The following FADS2 variants were observed in gnomAD, a reference collection of about 807,000 sequenced individuals.
FADS2 encodes acyl-CoA 6-desaturase.
A neutral mutation model predicts 61.2 loss-of-function variants in FADS2; 18 were observed. The ratio of observed to expected loss-of-function variants is 0.29; its 90% CI spans 0.20 to 0.44. The LOEUF (loss-of-function observed/expected upper bound fraction) is 0.44, where lower values mean the gene tolerates loss of function less well. FADS2 is among the 20% of genes least tolerant of loss of function. The probability of loss-of-function intolerance (pLI) is 1.00; values close to 1 mark genes in which losing one functional copy is unlikely to be tolerated. For missense variants in FADS2, 322 were observed against 572.7 expected, an observed-to-expected ratio of 0.56 and a Z score of 4.47; for synonymous variants, 203 against 223.9, an observed-to-expected ratio of 0.91 and a Z score of 0.83.
chr11:61,816,595 C>G lies in FADS2; in HGVS notation c.141+169C>G, dbSNP rs2066986395. On this transcript the variant is annotated intron_variant, in intron 1 of 11. Transcript: ENST00000257261. This position sits in a 1 kb window ranked among gnomAD's most constrained non-coding sequence, Gnocchi z 7.0. The stretch of plus-strand genomic sequence containing the variant: ...GGCGTAGTGGCTGATGACCCGGGAG[C>G]CCCCTGGATGCCGGCGGGTGAACTC... 1 of 1,609,582 alleles carries G rather than the reference C, an allele frequency of 6.2e-7. No homozygotes were observed. Among genetic ancestry groups the G allele is most frequent in the Non-Finnish European group, 8.5e-7 (1 of 1,178,858 alleles).
chr11:61,851,191 G>A (rs1458358765), intron 5 of FADS2, among the ~76,000 whole-genome samples: 1 of 152,142 alleles, frequency 6.6e-6, no homozygotes, highest in Non-Finnish European at 1.5e-5. Flanking sequence ...TCATTTTCTC[G>A]GCGAGGCTTT....
chr11:61,825,762 A>C (rs370276146), upstream of FADS2, among the ~76,000 whole-genome samples: 6 of 147,606 alleles, frequency 4.1e-5, no homozygotes, highest in Admixed American at 2.0e-4. Flanking sequence ...GTGTGGTGGC[A>C]GGCGCCTGTA....
upstream of FADS2, chr11:61,826,532 T>C: frequency 3.3e-6 from 2 of 603,434 alleles, no homozygotes; most frequent in Non-Finnish European, 5.9e-6. Flanking sequence ...GAGAAAATAA[T>C]TTTCTTGGTT....
chr11:61,828,979 C>T lies in FADS2; in HGVS notation c.207+382C>T, dbSNP rs970805716. Reference sequence around the variant, plus strand: ...GCGCCCCCAGCGGGGAAGATGGCCGCCCCTGCGCGCCGCTGAAAGGAGCGG... The same window carrying T: ...GCGCCCCCAGCGGGGAAGATGGCCGTCCCTGCGCGCCGCTGAAAGGAGCGG... On this transcript the variant is annotated intron_variant, in intron 1 of 11. Coordinates refer to ENST00000278840, the MANE Select transcript of FADS2 (RefSeq NM_004265.4). This position sits in a 1 kb window ranked among gnomAD's most constrained non-coding sequence, Gnocchi z 6.4. Among the ~76,000 whole-genome samples the T allele has an allele frequency of 2.6e-5, 4 of 152,216 alleles. No homozygotes were observed. The highest frequency in any genetic ancestry group is 9.6e-5 in the African/African-American group (4 of 41,456).
chr11:61,817,963 G>C (rs1471241698), intron 1 of FADS2, among the ~76,000 whole-genome samples: 9 of 152,158 alleles, frequency 5.9e-5, no homozygotes, highest in Admixed American at 5.2e-4. Flanking sequence ...AACTGAGCCC[G>C]GGGGAGGTTA....
At position 61,828,790 on chromosome 11, in the gene FADS2, C is replaced by A; in HGVS notation, c.207+193C>A. ...TCCTCTGGGCCGACTGGGGTGGAGA[C>A]CGGATCTGGGACCCGGGGAGGCGGC... On this transcript the variant is annotated intron_variant, in intron 1 of 11. Transcript: ENST00000278840. The surrounding 1 kb of genome is among the most constrained non-coding windows in gnomAD (Gnocchi z 6.4). The A allele has an allele frequency of 5.2e-6, 3 of 573,974 alleles. No individual in the cohort carries two copies. Among genetic ancestry groups the A allele is most frequent in the Non-Finnish European group, 6.1e-6 (2 of 327,140 alleles). The allele number at this position is 573,974 out of a possible 1,614,324, so 35.6% of individuals were successfully genotyped here.
At position 61,816,946 on chromosome 11, in the gene FADS2, C is replaced by T. The variant is rs2066991583; in HGVS notation, c.141+520C>T. ...CGTTCCCATTGGCCGAGCCTCGTGGCGCGGGGAGCGAGATCCCGTCCCCCG... is the reference window on the plus strand; with the variant it reads ...CGTTCCCATTGGCCGAGCCTCGTGGTGCGGGGAGCGAGATCCCGTCCCCCG... On this transcript the variant is annotated intron_variant, in intron 1 of 11. Transcript: ENST00000257261. The surrounding 1 kb of genome is among the most constrained non-coding windows in gnomAD (Gnocchi z 7.0). 7.3e-7 allele frequency: 1 copy of T among 1,375,462 alleles called. No individual in the cohort carries two copies. The highest frequency in any genetic ancestry group is 9.3e-7 in the Non-Finnish European group (1 of 1,073,122). 85.2% of individuals were successfully genotyped at this position (1,375,462 alleles called of 1,614,324 possible). A position where few individuals can be genotyped will look rare whatever the true frequency, so the allele number is the denominator to read the frequency against.
chr11:61,836,643 A>G (rs1033798144), intron 1 of FADS2, among the ~76,000 whole-genome samples: 2 of 152,392 alleles, frequency 1.3e-5, no homozygotes, highest in Non-Finnish European at 2.9e-5. Flanking sequence ...TGCTGGGATT[A>G]CAGGCATGAG....
intron 1 of FADS2, among the ~76,000 whole-genome samples, chr11:61,819,427 T>G (rs2067016997): frequency 6.6e-6 from 1 of 152,154 alleles, no homozygotes; most frequent in African/African-American, 2.4e-5. Flanking sequence ...GCGCCTGTAG[T>G]CCCAGCTACT....
At chr11:61,840,117 C>T (rs1050052383) in intron 2 of FADS2, among the ~76,000 whole-genome samples, 1 of 152,212 alleles carries the variant, frequency 6.6e-6, no homozygotes, top group Non-Finnish European at 1.5e-5. Context: ...GTCACTCTTA[C>T]CTAGCTGTGA....
Position 61,865,377 on chromosome 11 carries a change from C to A in FADS2, c.1283+100C>A. 7.0e-7 allele frequency: 1 copy of A among 1,426,058 alleles called. No homozygotes were observed. Among genetic ancestry groups the A allele is most frequent in the South Asian group, 1.3e-5 (1 of 76,462 alleles). The allele number at this position is 1,426,058 out of a possible 1,614,324, so 88.3% of individuals were successfully genotyped here. A position where few individuals can be genotyped will look rare whatever the true frequency, so the allele number is the denominator to read the frequency against. On this transcript the variant is annotated intron_variant, in intron 11 of 11. Transcript: ENST00000278840. The surrounding 1 kb of genome is among the most constrained non-coding windows in gnomAD (Gnocchi z 4.1). ...TGGGCCCTCCTGGCACAGTCACCCA[C>A]CAGGGCACCTGCCTTACTCCCGAGC...
Position 61,865,599 on chromosome 11 carries a change from G to T in FADS2, c.1284-39G>T, listed in dbSNP as rs376671519. 1.9e-6 allele frequency: 3 copies of T among 1,602,088 alleles called. No homozygotes were observed. Among genetic ancestry groups the T allele is most frequent in the Admixed American group, 1.7e-5 (1 of 59,540 alleles). On this transcript the variant is annotated intron_variant, in intron 11 of 11. Coordinates refer to ENST00000278840, the MANE Select transcript of FADS2 (RefSeq NM_004265.4). This position sits in a 1 kb window ranked among gnomAD's most constrained non-coding sequence, Gnocchi z 4.1. ...CCTTGCACTCCCTGGGGCCACTCCC[G>T]TCCTGGTCCCTGACCCTGGTCCATC... is the stretch of plus-strand genomic sequence containing the variant.
intron 7 of FADS2, among the ~76,000 whole-genome samples, chr11:61,858,490 T>C (rs892196726): frequency 1.3e-5 from 2 of 152,014 alleles, no homozygotes; most frequent in African/African-American, 4.8e-5. Flanking sequence ...ATTTTTTAAT[T>C]TTCTTTTTTT....
chr11:61,864,289 G>A (rs889692208), intron 10 of FADS2: 3 of 152,258 alleles, frequency 2.0e-5, no homozygotes, highest in Admixed American at 6.6e-5. Context: ...CTGCAGCCTC[G>A]AACGCCTGAG....
chr11:61,840,709 T>C lies in FADS2; in HGVS notation c.602T>C (p.Val201Ala). ...PKWNHLVHKF[V>A]IGHLKGASAN... ...TGGAACCACCTTGTCCACAAATTCG[T>C]CATTGGCCACTTAAAGGTAAGTGTC... is the stretch of plus-strand genomic sequence containing the variant. Residue 201 changes from valine to alanine, a missense_variant, in exon 4 of 12, where the codon GTC becomes GCC. Coordinates refer to ENST00000278840, the MANE Select transcript of FADS2 (RefSeq NM_004265.4). 1.2e-6 allele frequency: 2 copies of C among 1,613,950 alleles called. No homozygotes were observed. Among genetic ancestry groups the C allele is most frequent in the Non-Finnish European group, 1.7e-6 (2 of 1,179,806 alleles).
intron 1 of FADS2, among the ~76,000 whole-genome samples, chr11:61,830,612 T>C (rs1337386537): frequency 6.6e-6 from 1 of 152,246 alleles, no homozygotes; most frequent in Non-Finnish European, 1.5e-5. Flanking sequence ...ATAAATCTGG[T>C]ATCTTGGATG....
upstream of FADS2, among the ~76,000 whole-genome samples, chr11:61,823,326 G>T (rs1410587796): frequency 1.3e-5 from 2 of 152,192 alleles, no homozygotes. Flanking sequence ...CCTGCAACCT[G>T]GACCTGCTAG....
chr11:61,853,426 G>A (rs1448678709), intron 5 of FADS2, among the ~76,000 whole-genome samples: 2 of 151,590 alleles, frequency 1.3e-5, no homozygotes, highest in African/African-American at 4.9e-5. Context: ...TTGCATTGAC[G>A]GGAAATTTCA....
intron 1 of FADS2, among the ~76,000 whole-genome samples, chr11:61,822,756 T>C (rs181316424): frequency 7.2e-5 from 11 of 152,356 alleles, no homozygotes; most frequent in Admixed American, 6.5e-4. Context: ...AATGAGAATA[T>C]TTACTTCACT....
Sources: allele counts gnomAD v4.1 joint callset (sites outside exome capture counted in the v4.1 genomes callset), GRCh38; gene constraint gnomAD v4.1.1; non-coding constraint Gnocchi (gnomAD v3.1); transcripts MANE v1.5; gene names NCBI Gene and HGNC (gene_info 2026-07-23, HGNC 2026-07-21).